The following NR2E1 variants were observed in gnomAD, a reference collection of about 807,000 sequenced individuals.
NR2E1 encodes the protein nuclear receptor subfamily 2 group E member 1.
NR2E1 carries 5 observed loss-of-function variants against 43.6 expected under a neutral mutation model. The observed-to-expected ratio is 0.11, with a 90% CI of 0.06 to 0.24. The LOEUF is 0.24. Ranked by LOEUF, NR2E1 falls within the 10% of genes least tolerant of loss-of-function variation. NR2E1 has a pLI of 1.00. For missense variants in NR2E1, 287 were observed against 496.7 expected (o/e 0.58, Z 4.01); for synonymous variants, 191 against 195.5 (o/e 0.98, Z 0.19).
chr6:108,185,037 T>C (rs1461581112), intron 8 of NR2E1, among the ~76,000 whole-genome samples: 1 of 152,234 alleles, frequency 6.6e-6, no homozygotes, highest in African/African-American at 2.4e-5. Flanking sequence ...CCTTATTTCT[T>C]AGCCCTTCAA....
chr6:108,169,625 A>G lies in NR2E1; in HGVS notation c.26-1833A>G, dbSNP rs1333931716. Among the ~76,000 whole-genome samples the G allele has an allele frequency of 1.3e-5, 2 of 152,148 alleles. No homozygotes were observed. Among genetic ancestry groups the G allele is most frequent in the African/African-American group, 4.8e-5 (2 of 41,438 alleles). ...AGTTTACCGCTTCCAGAGTGAGTGC[A>G]GTGCAGCGGAGCTCCAGACCCGGTT... is the stretch of plus-strand genomic sequence containing the variant. On this transcript the variant is annotated intron_variant, in intron 1 of 8. Coordinates refer to ENST00000368986, the MANE Select transcript of NR2E1 (RefSeq NM_003269.5). The surrounding 1 kb of genome is among the most constrained non-coding windows in gnomAD (Gnocchi z 6.1).
Position 108,180,257 on chromosome 6 carries a change from T to A in NR2E1, c.643-66T>A. Reference sequence around the variant, plus strand: ...CTTTTTAAAATAATGGAAATTTACATAGTGAAATTGTTTATAAATTTATAA... The same window carrying A: ...CTTTTTAAAATAATGGAAATTTACAAAGTGAAATTGTTTATAAATTTATAA... On this transcript the variant is annotated intron_variant, in intron 5 of 8. Transcript: ENST00000368986. This position sits in a 1 kb window ranked among gnomAD's most constrained non-coding sequence, Gnocchi z 5.4. The A allele has an allele frequency of 2.0e-6, 2 of 1,022,016 alleles. No individual in the cohort carries two copies. The highest frequency in any genetic ancestry group is 3.0e-6 in the Non-Finnish European group (2 of 660,820). The allele number at this position is 1,022,016 out of a possible 1,614,324, so 63.3% of individuals were successfully genotyped here.
chr6:108,181,011 A>G, intron 7 of NR2E1, 55 bp downstream of exon 7: 1 of 1,586,672 alleles, frequency 6.3e-7, no homozygotes, highest in Non-Finnish European at 8.7e-7. Context: ...CCACCTCACT[A>G]ATTCAGCCAC....
intron 3 of NR2E1, 46 bp from the exon 4 acceptor site, chr6:108,176,457 C>G (rs1164340890): frequency 1.3e-6 from 2 of 1,583,228 alleles, no homozygotes; most frequent in Non-Finnish European, 1.7e-6. Context: ...GGCTGTGTCT[C>G]GACGTCTCTA....
intron 1 of NR2E1, among the ~76,000 whole-genome samples, chr6:108,170,445 C>T (rs1197028007): frequency 6.6e-6 from 1 of 151,880 alleles, no homozygotes; most frequent in South Asian, 2.1e-4. Context: ...GAAAAGAATC[C>T]CTCCCTTTCT....
At chr6:108,167,943 G>A (rs1773738369) in intron 1 of NR2E1, 4 of 1,453,008 alleles carry the variant, frequency 2.8e-6, no homozygotes, top group Middle Eastern at 3.7e-4. Context: ...CAAGAAGGAG[G>A]TTGTGTTTTC....
At chr6:108,187,103 T>C (rs1437877912) in intron 8 of NR2E1, among the ~76,000 whole-genome samples, 198 bp from the exon 9 acceptor site, 2 of 152,188 alleles carry the variant, frequency 1.3e-5, no homozygotes, top group Non-Finnish European at 2.9e-5. Flanking sequence ...GGCAGCATCA[T>C]TTATGGTCTC....
intron 4 of NR2E1, among the ~76,000 whole-genome samples, chr6:108,177,058 G>C (rs1052780277): frequency 6.6e-6 from 1 of 152,192 alleles, no homozygotes; most frequent in African/African-American, 2.4e-5. Context: ...ACTGGTAATG[G>C]GTGGTGGGTG....
rs1773901970 is a variant in NR2E1 at position 108,176,599 on chromosome 6, A to C, written c.356A>C (p.His119Pro). 6.2e-7 allele frequency: 1 copy of C among 1,612,538 alleles called. No homozygotes were observed. Among genetic ancestry groups the C allele is most frequent in the African/African-American group, 1.3e-5 (1 of 74,930 alleles). Reference protein sequence around the residue: ...GHKEENGAAAHFPSAALPAPA... With the variant: ...GHKEENGAAAPFPSAALPAPA... The stretch of plus-strand genomic sequence containing the variant: ...AAGGAGGAGAACGGGGCCGCCGCGC[A>C]CTTTCCCTCGGCGGCGCTCCCTGCG... The change falls in exon 4 of 9, where the codon CAC (histidine) becomes CCC (proline). Residue 119 changes from histidine to proline, a missense_variant. This residue lies in a region of NR2E1 where 119 missense variants were observed against 155.7 expected (regional missense o/e 0.76). Transcript: ENST00000368986.
In NR2E1 at chr6:108,181,633, A is replaced by G. The variant is rs1773987945; in HGVS notation, c.977A>G (p.Asn326Ser). Residue 326 changes from asparagine (N) to serine (S), a missense_variant, in exon 8 of 9, where the codon AAC (asparagine) becomes AGC (serine). Physicochemically the swap from Asn to Ser is conservative, Grantham distance 46 (BLOSUM62 1). Around this residue, in one of 4 missense-constraint regions of NR2E1, gnomAD observed 119 missense variants for 187.0 expected, o/e 0.64. Coordinates refer to ENST00000368986, the MANE Select transcript of NR2E1 (RefSeq NM_003269.5). ...ALQDEAQLTL[N>S]SYIHTRYPTQ... is the part of the protein sequence containing the mutation. ...CAAGATGAGGCTCAGCTAACGCTCA[A>G]CAGCTACATCCATACCAGGTGACCC... 6.2e-7 allele frequency: 1 copy of G among 1,614,050 alleles called. No homozygotes were observed. The highest frequency in any genetic ancestry group is 1.7e-5 in the Admixed American group (1 of 60,010).
rs760284107 is a variant in NR2E1, at chr6:108,180,772, C to T, written c.740-35C>T. ...CAATATTAAATCATGAAAATGCCTT[C>T]ATATTAGAGTATTTATCCCATATTT... On this transcript the variant is annotated intron_variant, in intron 6 of 8. Transcript: ENST00000368986. This position sits in a 1 kb window ranked among gnomAD's most constrained non-coding sequence, Gnocchi z 5.4. The T allele has an allele frequency of 1.2e-6, 2 of 1,601,094 alleles. No individual in the cohort carries two copies. The highest frequency in any genetic ancestry group is 1.7e-6 in the Non-Finnish European group (2 of 1,168,356).
intron 5 of NR2E1, among the ~76,000 whole-genome samples, chr6:108,179,930 C>T (rs1441345514): frequency 2.0e-5 from 3 of 152,110 alleles, no homozygotes; most frequent in Non-Finnish European, 2.9e-5. Context: ...GCTCTGCAAG[C>T]GTCTGAGGAA....
rs576518806 is a variant in NR2E1 at position 108,187,878 on chromosome 6, G to A, written c.*415G>A. ...AGCTCTGTGTATAACATCGTACTGC[G>A]GCCTTCAAAACTACGTTATGTTGGA... On this transcript the variant is annotated 3_prime_UTR_variant, in exon 9 of 9. Coordinates refer to ENST00000368986, the MANE Select transcript of NR2E1 (RefSeq NM_003269.5). 8.9e-4 allele frequency: 185 copies of A among 209,020 alleles called. No homozygotes were observed. The highest frequency in any genetic ancestry group is 4.1e-3 in the African/African-American group (180 of 44,150). 12.9% of individuals were successfully genotyped at this position (209,020 alleles called of 1,614,324 possible). A position where few individuals can be genotyped will look rare whatever the true frequency, so the allele number is the denominator to read the frequency against.
At position 108,169,283 on chromosome 6, in the gene NR2E1, C is replaced by T. The variant is rs758918289; in HGVS notation, c.26-2175C>T. Among the ~76,000 whole-genome samples, 1 of 152,182 alleles carries T rather than the reference C, an allele frequency of 6.6e-6. No individual in the cohort carries two copies. Among genetic ancestry groups the T allele is most frequent in the Non-Finnish European group, 1.5e-5 (1 of 68,024 alleles). On this transcript the variant is annotated intron_variant, in intron 1 of 8. Transcript: ENST00000368986. This position sits in a 1 kb window ranked among gnomAD's most constrained non-coding sequence, Gnocchi z 6.1. ...GAGGTCTGCTCAGAGGCAGGACTCG[C>T]ACTGGTGGTGGCCTAGAGGGCAACA...
chr6:108,187,154 G>T, intron 8 of NR2E1, 147 bp from the exon 9 acceptor site: 5 of 933,716 alleles, frequency 5.4e-6, no homozygotes, highest in South Asian at 1.3e-5. Context: ...GGACAACAGT[G>T]CCTGTCCAGA....
At chr6:108,173,001 C>T (rs1272037255) in intron 2 of NR2E1, among the ~76,000 whole-genome samples, 1 of 152,300 alleles carries the variant, frequency 6.6e-6, no homozygotes, top group African/African-American at 2.4e-5. Flanking sequence ...TGCTTTTATG[C>T]AGTGAACAGA....
intron 8 of NR2E1, among the ~76,000 whole-genome samples, chr6:108,184,343 C>T (rs893224764): frequency 1.3e-5 from 2 of 152,122 alleles, no homozygotes; most frequent in African/African-American, 4.8e-5. Flanking sequence ...TCCAGTCAAG[C>T]CTTTGCCGAG....
At chr6:108,167,009 T>G (rs534517683) in intron 1 of NR2E1, among the ~76,000 whole-genome samples, 24 of 151,904 alleles carry the variant, frequency 1.6e-4, no homozygotes, top group African/African-American at 5.8e-4. Flanking sequence ...TGATCCCCCC[T>G]GTCTGGTGCG....
intron 8 of NR2E1, among the ~76,000 whole-genome samples, chr6:108,186,598 G>T (rs890406588): frequency 1.3e-5 from 2 of 152,224 alleles, no homozygotes; most frequent in African/African-American, 4.8e-5. Flanking sequence ...TATCAGGGCT[G>T]CAGTGAGGAG....
Sources: gnomAD v4.1 joint callset for allele counts (sites outside exome capture counted in the v4.1 genomes callset) on GRCh38, gnomAD v4.1.1 for gene constraint, gnomAD v4.1.1 regional missense constraint, Gnocchi (gnomAD v3.1) non-coding constraint, MANE v1.5 for transcripts, NCBI Gene and HGNC (gene_info 2026-07-23, HGNC 2026-07-21) for gene names.